MAGI2: variants seen among roughly 807,000 people sequenced by gnomAD.
The protein encoded by MAGI2 is membrane-associated guanylate kinase, WW and PDZ domain-containing protein 2.
In MAGI2, 35 loss-of-function variants were observed where a neutral mutation model predicts 133.3. The ratio of observed to expected loss-of-function variants is 0.26; its 90% CI spans 0.20 to 0.35. MAGI2 has a LOEUF of 0.35. Ranked by LOEUF, MAGI2 falls within the 10% of genes least tolerant of loss-of-function variation. The pLI, the probability that MAGI2 is intolerant of heterozygous loss-of-function variation, is 1.00. For synonymous variants in MAGI2, 729 were observed against 710.6 expected, an observed-to-expected ratio of 1.03 and a Z score of -0.41; for missense variants, 1,636 against 1,863.4, an observed-to-expected ratio of 0.88 and a Z score of 2.25.
At chr7:78,742,558 T>C (rs980503414) in intron 2 of MAGI2, among the ~76,000 whole-genome samples, 1 of 152,222 alleles carries the variant, frequency 6.6e-6, no homozygotes, top group African/African-American at 2.4e-5. Flanking sequence ...TGGATAATTT[T>C]CTGATAAGAT....
chr7:78,674,534 G>A (rs1189270761), intron 2 of MAGI2, among the ~76,000 whole-genome samples: 1 of 151,956 alleles, frequency 6.6e-6, no homozygotes, highest in African/African-American at 2.4e-5. Context: ...TATTGGGCAA[G>A]TTATATAATG....
intron 2 of MAGI2, among the ~76,000 whole-genome samples, chr7:78,984,798 T>A (rs1170743188): frequency 6.6e-6 from 1 of 152,070 alleles, no homozygotes; most frequent in East Asian, 1.9e-4. Context: ...TCTATTTTTC[T>A]GTTTATTGTC....
intron 16 of MAGI2, among the ~76,000 whole-genome samples, chr7:78,138,299 A>G (rs1331476737): frequency 6.6e-6 from 1 of 152,158 alleles, no homozygotes; most frequent in African/African-American, 2.4e-5. Flanking sequence ...ACTTTGTCTG[A>G]AGCAGGTTCT....
At chr7:79,299,639 G>A (rs913536502) in intron 1 of MAGI2, among the ~76,000 whole-genome samples, 1 of 150,700 alleles carries the variant, frequency 6.6e-6, no homozygotes, top group Non-Finnish European at 1.5e-5. Flanking sequence ...ATTTCAAATC[G>A]GTTGGCAAAA....
At chr7:78,979,025 A>G (rs1804548308) in intron 2 of MAGI2, among the ~76,000 whole-genome samples, 2 of 151,910 alleles carry the variant, frequency 1.3e-5, no homozygotes, top group South Asian at 4.1e-4. Context: ...CCATGTAGTA[A>G]TGGATTCGAG....
rs73143184 is a variant in MAGI2 at position 78,623,226 on chromosome 7, A to T, written c.538+3894T>A. Reference sequence around the variant, plus strand: ...TCTTTATTTTTACAAACAAAAAGTCATATTGTTAATCATGTTACTCTTTTA... The same window carrying T: ...TCTTTATTTTTACAAACAAAAAGTCTTATTGTTAATCATGTTACTCTTTTA... On this transcript the variant is annotated intron_variant, in intron 3 of 21. Transcript: ENST00000354212. 8.1e-3 allele frequency among the ~76,000 whole-genome samples: 1,228 copies of T among 152,152 alleles called. 9 individuals are homozygous for T. Among genetic ancestry groups the T allele is most frequent in the South Asian group, 0.017 (82 of 4,828 alleles).
At chr7:79,278,199 C>T (rs919840004) in intron 1 of MAGI2, among the ~76,000 whole-genome samples, 2 of 152,078 alleles carry the variant, frequency 1.3e-5, no homozygotes, top group African/African-American at 4.8e-5. Flanking sequence ...GTGTGTAGCA[C>T]CTCCCCAGCT....
At chr7:78,237,665 T>A (rs1790693804) in intron 10 of MAGI2, among the ~76,000 whole-genome samples, 1 of 152,164 alleles carries the variant, frequency 6.6e-6, no homozygotes, top group Admixed American at 6.6e-5. Context: ...TTTTTATGGA[T>A]TTCTCAGTGC....
At chr7:79,443,285 C>A (rs140136050) in intron 1 of MAGI2, among the ~76,000 whole-genome samples, 1 of 139,326 alleles carries the variant, frequency 7.2e-6, no homozygotes, top group Non-Finnish European at 1.5e-5. Flanking sequence ...TGTGTGTGTG[C>A]GTGTGTGTGT....
intron 2 of MAGI2, among the ~76,000 whole-genome samples, chr7:78,686,940 C>T (rs1008939088): frequency 3.9e-5 from 6 of 152,148 alleles, no homozygotes; most frequent in African/African-American, 1.4e-4. Flanking sequence ...GGTGAATGAG[C>T]TTCATTATTG....
At chr7:78,701,049 T>C (rs1419084784) in intron 2 of MAGI2, among the ~76,000 whole-genome samples, 2 of 151,522 alleles carry the variant, frequency 1.3e-5, no homozygotes, top group Non-Finnish European at 3.0e-5. Context: ...CAATATATTT[T>C]GTTTCTATAA....
At chr7:78,631,856 A>T (rs1278389133) in intron 2 of MAGI2, among the ~76,000 whole-genome samples, 14 of 152,114 alleles carry the variant, frequency 9.2e-5, no homozygotes, top group Non-Finnish European at 1.9e-4. Context: ...GCTGTTTGGG[A>T]CTCAGCCACT....
At chr7:78,118,892 T>G (rs1439773837) in intron 20 of MAGI2, among the ~76,000 whole-genome samples, 1 of 152,202 alleles carries the variant, frequency 6.6e-6, no homozygotes, top group African/African-American at 2.4e-5. Flanking sequence ...CACACAAAAA[T>G]CTGCACACAA....
chr7:78,319,872 C>G (rs1050782375), intron 9 of MAGI2, among the ~76,000 whole-genome samples: 11 of 151,496 alleles, frequency 7.3e-5, no homozygotes. Context: ...CAAAATAGAC[C>G]ACTAACAAGA....
intron 1 of MAGI2, among the ~76,000 whole-genome samples, chr7:79,208,746 A>G (rs1829266506): frequency 6.6e-6 from 1 of 152,036 alleles, no homozygotes; most frequent in Non-Finnish European, 1.5e-5. Context: ...TTATTATAAC[A>G]TTATTTACAA....
intron 9 of MAGI2, among the ~76,000 whole-genome samples, chr7:78,273,270 C>T (rs1794756218): frequency 6.6e-6 from 1 of 152,224 alleles, no homozygotes. Context: ...GGCCCCTACT[C>T]TCTTCTGGCT....
intron 9 of MAGI2, among the ~76,000 whole-genome samples, chr7:78,328,247 G>T (rs1788785918): frequency 6.6e-6 from 1 of 151,742 alleles, no homozygotes. Context: ...ACCCCTCAAG[G>T]ACTTACGCCT....
chr7:78,483,243 CT>C (rs1792613252), intron 6 of MAGI2, among the ~76,000 whole-genome samples: 1 of 151,718 alleles, frequency 6.6e-6, no homozygotes. Flanking sequence ...TGAAATCATT[CT>C]GCTACTGTGC....
intron 7 of MAGI2, among the ~76,000 whole-genome samples, chr7:78,360,910 G>A (rs147059801): frequency 5.3e-5 from 8 of 152,194 alleles, no homozygotes; most frequent in African/African-American, 1.9e-4. Context: ...AGAGAACATG[G>A]TGTCTCCAGC....
Sources: allele counts gnomAD v4.1 joint callset (sites outside exome capture counted in the v4.1 genomes callset), GRCh38; gene constraint gnomAD v4.1.1; transcripts MANE v1.5; gene names NCBI Gene and HGNC (gene_info 2026-07-23, HGNC 2026-07-21).